LMX1B: variants seen among roughly 807,000 people sequenced by gnomAD.
LMX1B encodes the protein LIM homeobox transcription factor 1 beta.
LMX1B carries 12 observed loss-of-function variants against 51.4 expected under a neutral mutation model. That is an observed-to-expected ratio of 0.23 (90% CI 0.15 to 0.38). The LOEUF (loss-of-function observed/expected upper bound fraction) is 0.38, where lower values mean the gene tolerates loss of function less well. LMX1B is among the 10% of genes least tolerant of loss of function. The probability of loss-of-function intolerance (pLI) is 1.00; values close to 1 mark genes in which losing one functional copy is unlikely to be tolerated. For synonymous variants in LMX1B, 237 were observed against 235.4 expected, an observed-to-expected ratio of 1.01 and a Z score of -0.06; for missense variants, 445 against 571.1, an observed-to-expected ratio of 0.78 and a Z score of 2.25.
At chr9:126,621,854 G>T (rs763081706) in intron 2 of LMX1B, among the ~76,000 whole-genome samples, 4 of 152,030 alleles carry the variant, frequency 2.6e-5, no homozygotes, top group South Asian at 4.2e-4. Flanking sequence ...CTACTGCTGC[G>T]GTGAGGAGTG....
chr9:126,693,975 C>T (rs776145290), intron 6 of LMX1B, 163 bp downstream of exon 6: 5 of 586,214 alleles, frequency 8.5e-6, no homozygotes, highest in African/African-American at 5.7e-5. Flanking sequence ...CAAAGGGGCC[C>T]GGGATGTTTC....
chr9:126,643,281 C>T (rs920780170), intron 2 of LMX1B, among the ~76,000 whole-genome samples: 2 of 152,126 alleles, frequency 1.3e-5, no homozygotes, highest in African/African-American at 4.8e-5. Flanking sequence ...GGTCTCAGGG[C>T]CTCTGTCTGC....
At position 126,697,837 on chromosome 9, in the gene LMX1B, C is replaced by CTGTTTTGTTT. The variant is rs59836255; in HGVS notation, c.*1432_*1441dup. 0.028 allele frequency: 4,151 copies of CTGTTTTGTTT among 147,864 alleles called. 71 individuals are homozygous for CTGTTTTGTTT. Among genetic ancestry groups the CTGTTTTGTTT allele is most frequent in the Non-Finnish European group, 0.036 (2,420 of 67,784 alleles). The allele number at this position is 147,864 out of a possible 1,614,324, so 9.2% of individuals were successfully genotyped here. On this transcript the variant is annotated 3_prime_UTR_variant, in exon 8 of 8. Transcript: ENST00000373474. ...TGTATATGCAGGATGGGGGCACCTA[C>CTGTTTTGTTT]TGTTTTGTTTTGTTTTGTTTTGTTT...
intron 2 of LMX1B, among the ~76,000 whole-genome samples, chr9:126,630,996 C>T (rs1223867320): frequency 6.6e-6 from 1 of 152,250 alleles, no homozygotes; most frequent in Non-Finnish European, 1.5e-5. Flanking sequence ...GGTGAGGGCT[C>T]GGCCCCCTCC....
chr9:126,640,708 A>T (rs1835793445), intron 2 of LMX1B: 1 of 152,338 alleles, frequency 6.6e-6, no homozygotes, highest in African/African-American at 2.4e-5. Flanking sequence ...GCTCGGTTCC[A>T]GGCTGTGCTG....
At chr9:126,691,159 T>G (rs2030117215) in intron 3 of LMX1B, 91 bp downstream of exon 3, 1 of 924,254 alleles carries the variant, frequency 1.1e-6, no homozygotes, top group Admixed American at 2.1e-5. Flanking sequence ...AGCCACCTCC[T>G]GCTTCCAGGA....
At chr9:126,630,458 T>C (rs895950461) in intron 2 of LMX1B, among the ~76,000 whole-genome samples, 3 of 152,138 alleles carry the variant, frequency 2.0e-5, no homozygotes, top group African/African-American at 7.2e-5. Context: ...TTGTTATCTG[T>C]GACCTGTCTG....
intron 2 of LMX1B, among the ~76,000 whole-genome samples, chr9:126,681,513 C>G (rs1836670992): frequency 6.6e-6 from 1 of 152,134 alleles, no homozygotes; most frequent in African/African-American, 2.4e-5. Flanking sequence ...TGGCTCTGAG[C>G]CAACACCTTC....
At chr9:126,630,978 G>A (rs1041889361) in intron 2 of LMX1B, among the ~76,000 whole-genome samples, 1 of 152,246 alleles carries the variant, frequency 6.6e-6, no homozygotes, top group Non-Finnish European at 1.5e-5. Flanking sequence ...AACTGCAAAG[G>A]GGCCTGTGGT....
intron 2 of LMX1B, among the ~76,000 whole-genome samples, chr9:126,686,269 G>A (rs1192015476): frequency 6.5e-5 from 8 of 122,402 alleles, no homozygotes; most frequent in Admixed American, 1.9e-4. Context: ...AACAGAGTGA[G>A]ACTCCATCTC....
rs1433033507 is a variant in LMX1B at position 126,625,812 on chromosome 9, C to G, written c.326+10243C>G. On this transcript the variant is annotated intron_variant, in intron 2 of 7. Coordinates refer to ENST00000373474, the MANE Select transcript of LMX1B (RefSeq NM_001174147.2). This position sits in a 1 kb window ranked among gnomAD's most constrained non-coding sequence, Gnocchi z 5.3. ...GCCGACTGGCCCTTCGACGTCGCCG[C>G]CGTGCCTGAGCCCCGCTGCCTGCTC... is the stretch of plus-strand genomic sequence containing the variant. Among the ~76,000 whole-genome samples, 2 of 152,190 alleles carry G rather than the reference C, an allele frequency of 1.3e-5. No individual in the cohort carries two copies. The highest frequency in any genetic ancestry group is 4.8e-5 in the African/African-American group (2 of 41,446).
chr9:126,693,218 C>A lies in LMX1B; in HGVS notation c.636C>A (p.Asp212Glu). ...QGSQSKGSGD[D>E]GKDPRRPKRP... ...GTCAGAGCAAGGGCAGCGGGGATGACGGGAAGGACCCGCGGAGGCCCAAGC... is the reference window on the plus strand; with the variant it reads ...GTCAGAGCAAGGGCAGCGGGGATGAAGGGAAGGACCCGCGGAGGCCCAAGC... The change falls in exon 4 of 8, where the codon GAC (aspartate) becomes GAA (glutamate). Residue 212 changes from aspartate (D) to glutamate (E), a missense_variant. This residue lies in a region of LMX1B where 273 missense variants were observed against 343.3 expected (regional missense o/e 0.80). Transcript: ENST00000373474. 6.2e-7 allele frequency: 1 copy of A among 1,609,838 alleles called. No individual in the cohort carries two copies. The highest frequency in any genetic ancestry group is 1.1e-5 in the South Asian group (1 of 90,124).
rs113530471 is a variant in LMX1B at position 126,690,553 on chromosome 9, T to A, written c.327-283T>A. Among the ~76,000 whole-genome samples the A allele has an allele frequency of 0.015, 2,292 of 152,318 alleles. 70 individuals are homozygous for A. The highest frequency in any genetic ancestry group is 0.053 in the African/African-American group (2,184 of 41,578). ...GAGTGGACCCTCCACACTGCCCTCT[T>A]GTGGCCACCGTGTCTCTGAGCTGGA... On this transcript the variant is annotated intron_variant, in intron 2 of 7. Transcript: ENST00000373474.
In LMX1B at chr9:126,630,292, C is replaced by T. The variant is rs11999120; in HGVS notation, c.326+14723C>T. On this transcript the variant is annotated intron_variant, in intron 2 of 7. Coordinates refer to ENST00000373474, the MANE Select transcript of LMX1B (RefSeq NM_001174147.2). The stretch of plus-strand genomic sequence containing the variant: ...GGGCTATGCAGCACAGAGTCAGCAT[C>T]TGCGGGTGCCACAACCTGCCCTTGG... 2.3e-3 allele frequency among the ~76,000 whole-genome samples: 348 copies of T among 152,152 alleles called. 1 individual carries two copies. Among genetic ancestry groups the T allele is most frequent in the Middle Eastern group, 6.8e-3 (2 of 294 alleles).
At chr9:126,696,148 A>G (rs1015734659) in intron 7 of LMX1B, 145 bp downstream of exon 7, 1 of 1,150,408 alleles carries the variant, frequency 8.7e-7, no homozygotes, top group African/African-American at 1.5e-5. Context: ...TGCTGACAGG[A>G]AGGGCCCCAG....
chr9:126,654,060 G>C (rs894465271), intron 2 of LMX1B, among the ~76,000 whole-genome samples: 2 of 152,100 alleles, frequency 1.3e-5, no homozygotes, highest in African/African-American at 4.8e-5. Flanking sequence ...ACCATTCTTA[G>C]GATAAGAATG....
intron 2 of LMX1B, among the ~76,000 whole-genome samples, chr9:126,650,983 G>A (rs868563689): frequency 3.9e-5 from 6 of 152,156 alleles, no homozygotes; most frequent in Non-Finnish European, 7.3e-5. Flanking sequence ...AAAGATAAAC[G>A]GAATTGTTTA....
At position 126,618,696 on chromosome 9, in the gene LMX1B, G is replaced by A. The variant is rs1199648080; in HGVS notation, c.326+3127G>A. ...ATGTTTTTATCTTGGCGGCTTGGCC[G>A]AATAGAATTATGTAACTCTCTTTTC... On this transcript the variant is annotated intron_variant, in intron 2 of 7. Transcript: ENST00000373474. This position sits in a 1 kb window ranked among gnomAD's most constrained non-coding sequence, Gnocchi z 4.5. Among the ~76,000 whole-genome samples, 1 of 152,118 alleles carries A rather than the reference G, an allele frequency of 6.6e-6. No homozygotes were observed. Among genetic ancestry groups the A allele is most frequent in the Admixed American group, 6.5e-5 (1 of 15,280 alleles).
intron 2 of LMX1B, among the ~76,000 whole-genome samples, chr9:126,650,175 G>T (rs1023392475): frequency 2.0e-5 from 3 of 152,214 alleles, no homozygotes; most frequent in African/African-American, 7.2e-5. Flanking sequence ...GCCCACTGAG[G>T]AGGGCTGGGC....
Sources: gnomAD v4.1 joint callset for allele counts (sites outside exome capture counted in the v4.1 genomes callset) on GRCh38, gnomAD v4.1.1 for gene constraint, gnomAD v4.1.1 regional missense constraint, Gnocchi (gnomAD v3.1) non-coding constraint, MANE v1.5 for transcripts, NCBI Gene and HGNC (gene_info 2026-07-23, HGNC 2026-07-21) for gene names.